The following IPCEF1 variants were observed in gnomAD, a reference collection of about 807,000 sequenced individuals.
IPCEF1 encodes interaction protein for cytohesin exchange factors 1.
IPCEF1 carries 31 observed loss-of-function variants against 50.9 expected under a neutral mutation model. The observed-to-expected ratio is 0.61, with a 90% CI of 0.46 to 0.82. The LOEUF (loss-of-function observed/expected upper bound fraction) is 0.82. Among genes scored for constraint, IPCEF1 ranks in the 40% least tolerant of loss-of-function variants. IPCEF1 has a pLI of 0.00. For synonymous variants in IPCEF1, 181 were observed against 192.0 expected (o/e 0.94, Z 0.47); for missense variants, 458 against 514.0 (o/e 0.89, Z 1.05).
intron 1 of IPCEF1, among the ~76,000 whole-genome samples, chr6:154,352,966 A>C (rs867510859): frequency 6.6e-6 from 1 of 152,248 alleles, no homozygotes; most frequent in South Asian, 2.1e-4. Flanking sequence ...GGAAATCATC[A>C]AACTCAGGTT....
intron 2 of IPCEF1, among the ~76,000 whole-genome samples, chr6:154,284,354 C>T (rs560294803): frequency 6.6e-6 from 1 of 152,322 alleles, no homozygotes; most frequent in South Asian, 2.1e-4. Flanking sequence ...GATGTGATAA[C>T]TTTGCAGCAC....
chr6:154,339,948 G>A lies in IPCEF1; in HGVS notation c.-62+16724C>T, dbSNP rs1235230827. Among the ~76,000 whole-genome samples the A allele has an allele frequency of 4.6e-5, 7 of 152,202 alleles. No individual in the cohort carries two copies. In the East Asian group the frequency reaches 1.4e-3, roughly 29 times the overall value. On this transcript the variant is annotated intron_variant, in intron 1 of 11. Coordinates refer to ENST00000367220, the MANE Select transcript of IPCEF1 (RefSeq NM_001130700.2). Reference sequence around the variant, plus strand: ...TCAAGTTGTAAATAACGTCAGTAATGGGAGTGGGGGAAACCTGCTAGCAAG... The same window carrying A: ...TCAAGTTGTAAATAACGTCAGTAATAGGAGTGGGGGAAACCTGCTAGCAAG...
chr6:154,319,733 T>A (rs1046889272), intron 1 of IPCEF1, among the ~76,000 whole-genome samples: 2 of 152,210 alleles, frequency 1.3e-5, no homozygotes, highest in Admixed American at 6.5e-5. Flanking sequence ...TGGCTCCGGG[T>A]GTGATACTTC....
chr6:154,254,994 G>A (rs1457772153), intron 3 of IPCEF1, among the ~76,000 whole-genome samples: 1 of 151,910 alleles, frequency 6.6e-6, no homozygotes, highest in East Asian at 1.9e-4. Flanking sequence ...TTAGCATATT[G>A]TAACTCCTGT....
At chr6:154,289,896 T>C (rs1322949983) in intron 1 of IPCEF1, 140 bp from the exon 2 acceptor site, 1 of 152,136 alleles carries the variant, frequency 6.6e-6, no homozygotes, top group African/African-American at 2.4e-5. Flanking sequence ...GAACAGTAAG[T>C]TGATCATCGT....
chr6:154,258,340 C>T (rs1781512557), intron 3 of IPCEF1, among the ~76,000 whole-genome samples: 1 of 152,202 alleles, frequency 6.6e-6, no homozygotes, highest in Non-Finnish European at 1.5e-5. Flanking sequence ...AGATCACGCA[C>T]AGCTAGTAGC....
chr6:154,257,340 CT>C (rs1464399518), intron 3 of IPCEF1, among the ~76,000 whole-genome samples: 1 of 152,180 alleles, frequency 6.6e-6, no homozygotes, highest in African/African-American at 2.4e-5. Flanking sequence ...TTTTACACCC[CT>C]ATCCCTTAAC....
At chr6:154,274,924 A>G (rs1039933498) in intron 2 of IPCEF1, among the ~76,000 whole-genome samples, 4 of 152,216 alleles carry the variant, frequency 2.6e-5, no homozygotes, top group Admixed American at 6.5e-5. Context: ...CTTAAGTTCC[A>G]TGACACCTGC....
In IPCEF1 at chr6:154,318,815, A is replaced by T. The variant is rs992422241; in HGVS notation, c.-61-29059T>A. Among the ~76,000 whole-genome samples, 21 of 152,084 alleles carry T rather than the reference A, an allele frequency of 1.4e-4. 1 individual carries two copies. Among genetic ancestry groups the T allele is most frequent in the Admixed American group, 1.4e-3 (21 of 15,262 alleles). ...ATTTTTTCCCTCATTCCATCCATAC[A>T]CAAAAGCTAATTTCATCATCTGGAA... On this transcript the variant is annotated intron_variant, in intron 1 of 11. Transcript: ENST00000367220.
Position 154,286,079 on chromosome 6 carries a change from T to C in IPCEF1, c.-18+3634A>G, listed in dbSNP as rs533249067. Among the ~76,000 whole-genome samples, 8 of 152,286 alleles carry C rather than the reference T, an allele frequency of 5.3e-5. No individual in the cohort carries two copies. The South Asian group carries it at 8.3e-4, about 16-fold the overall frequency. ...GAAATCTGTGGAGAGCTCAAAATAA[T>C]TATGGGGCCAAGAATGTAGGCACAT... is the stretch of plus-strand genomic sequence containing the variant. On this transcript the variant is annotated intron_variant, in intron 2 of 11. Transcript: ENST00000367220.
chr6:154,225,013 G>C (rs1394170920), intron 5 of IPCEF1, among the ~76,000 whole-genome samples: 2 of 152,058 alleles, frequency 1.3e-5, no homozygotes, highest in Non-Finnish European at 2.9e-5. Flanking sequence ...AACTATGTTA[G>C]GTCTCATCAA....
At position 154,266,938 on chromosome 6, in the gene IPCEF1, A is replaced by G. The variant is rs946689505; in HGVS notation, c.-17-974T>C. On this transcript the variant is annotated intron_variant, in intron 2 of 11. Coordinates refer to ENST00000367220, the MANE Select transcript of IPCEF1 (RefSeq NM_001130700.2). Reference sequence around the variant, plus strand: ...GCAGACAGCTTTTCAACTTCATCCCAGTGACACCACAAGTACACATTCATG... The same window carrying G: ...GCAGACAGCTTTTCAACTTCATCCCGGTGACACCACAAGTACACATTCATG... 1.3e-5 allele frequency among the ~76,000 whole-genome samples: 2 copies of G among 152,300 alleles called. 1 individual carries two copies. Among genetic ancestry groups the G allele is most frequent in the South Asian group, 4.1e-4 (2 of 4,822 alleles).
intron 1 of IPCEF1, among the ~76,000 whole-genome samples, chr6:154,343,507 T>A (rs1003580183): frequency 6.6e-6 from 1 of 152,174 alleles, no homozygotes; most frequent in Non-Finnish European, 1.5e-5. Flanking sequence ...TCCACTTCCC[T>A]GGGAAAGCTT....
intron 9 of IPCEF1, among the ~76,000 whole-genome samples, chr6:154,203,036 T>C (rs2128594882): frequency 6.6e-6 from 1 of 152,260 alleles, no homozygotes; most frequent in African/African-American, 2.4e-5. Context: ...GAAAACACGC[T>C]TTATAGACCG....
chr6:154,199,718 T>C lies in IPCEF1; in HGVS notation c.860A>G (p.Asp287Gly). ...AGGCTTATCTGGGACAGTAAGATGG[T>C]CATGATTGCTACTCAATGAAGAAGT... Reference protein sequence around the residue: ...DDTSSLSSNHDHLTVPDKPAG... With the variant: ...DDTSSLSSNHGHLTVPDKPAG... Residue 287 changes from aspartate to glycine, a missense_variant, in exon 10 of 12, where the codon GAC becomes GGC. Coordinates refer to ENST00000367220, the MANE Select transcript of IPCEF1 (RefSeq NM_001130700.2). The C allele has an allele frequency of 2.5e-6, 4 of 1,614,072 alleles. No individual in the cohort carries two copies. The highest frequency in any genetic ancestry group is 3.4e-6 in the Non-Finnish European group (4 of 1,179,932).
chr6:154,324,287 C>T (rs1237222883), intron 1 of IPCEF1, among the ~76,000 whole-genome samples: 1 of 152,114 alleles, frequency 6.6e-6, no homozygotes, highest in Non-Finnish European at 1.5e-5. Flanking sequence ...AAATCATGGC[C>T]AGTTACAGTG....
rs190835961 is a variant in IPCEF1, at chr6:154,184,342, A to T, written c.910+15326T>A. ...TTCCATCTTTTGGAGAATAAATAAT[A>T]CTACTATACTAGTAGTAGTATAATA... On this transcript the variant is annotated intron_variant, in intron 10 of 11. Coordinates refer to ENST00000367220, the MANE Select transcript of IPCEF1 (RefSeq NM_001130700.2). 5.8e-3 allele frequency among the ~76,000 whole-genome samples: 880 copies of T among 152,210 alleles called. 11 individuals carry two copies. Among genetic ancestry groups the T allele is most frequent in the African/African-American group, 0.021 (853 of 41,544 alleles).
intron 11 of IPCEF1, among the ~76,000 whole-genome samples, chr6:154,167,266 T>C (rs1250893713): frequency 6.6e-6 from 1 of 152,268 alleles, no homozygotes; most frequent in African/African-American, 2.4e-5. Context: ...ACTTTTGTTA[T>C]GAAGAACCAT....
At chr6:154,346,699 A>G (rs1584012661) in intron 1 of IPCEF1, among the ~76,000 whole-genome samples, 1 of 152,208 alleles carries the variant, frequency 6.6e-6, no homozygotes, top group East Asian at 1.9e-4. Context: ...AGCATGAGAG[A>G]GAAGTGCAGA....
Sources: allele counts gnomAD v4.1 joint callset (sites outside exome capture counted in the v4.1 genomes callset), GRCh38; gene constraint gnomAD v4.1.1; transcripts MANE v1.5; gene names NCBI Gene and HGNC (gene_info 2026-07-23, HGNC 2026-07-21).